The following ARFGEF3 variants were observed in gnomAD, a reference collection of about 807,000 sequenced individuals.
ARFGEF3 encodes brefeldin A-inhibited guanine nucleotide-exchange protein 3.
In ARFGEF3, 96 loss-of-function variants were observed where a neutral mutation model predicts 221.7. That is an observed-to-expected ratio of 0.43 (90% CI 0.37 to 0.51). The LOEUF (loss-of-function observed/expected upper bound fraction) is 0.51, where lower values mean the gene tolerates loss of function less well. Ranked by LOEUF, ARFGEF3 falls within the 20% of genes least tolerant of loss-of-function variation. ARFGEF3 has a pLI of 0.00. For missense variants in ARFGEF3, 2,410 were observed against 2,789.9 expected (o/e 0.86, Z 3.07); for synonymous variants, 1,145 against 1,126.8 (o/e 1.02, Z -0.32).
At chr6:138,189,568 G>A (rs560905876) in intron 2 of ARFGEF3, among the ~76,000 whole-genome samples, 5 of 152,160 alleles carry the variant, frequency 3.3e-5, no homozygotes, top group Non-Finnish European at 5.9e-5. Flanking sequence ...TGAAGCTTGC[G>A]ATTTTCACTT....
intron 2 of ARFGEF3, among the ~76,000 whole-genome samples, chr6:138,172,172 GCAA>G (rs1011683796): frequency 2.0e-5 from 3 of 152,118 alleles, no homozygotes; most frequent in Non-Finnish European, 2.9e-5. Flanking sequence ...AGAATGTCTG[GCAA>G]CAACATGTTT....
chr6:138,255,575 G>A lies in ARFGEF3; in HGVS notation c.910G>A (p.Gly304Arg). The change falls in exon 10 of 34, where the codon GGA becomes AGA. Residue 304 changes from glycine to arginine, a missense_variant. Around this residue, in one of 5 missense-constraint regions of ARFGEF3, gnomAD observed 570 missense variants for 586.9 expected, o/e 0.97. Coordinates refer to ENST00000251691, the MANE Select transcript of ARFGEF3 (RefSeq NM_020340.5). ...ASPGVSDHGR[G>R]SGCSCTAPAL... ...TCCGGGAGTGTCTGACCACGGCCGA[G>A]GATCAGGCTGCTCCTGCACTGCGCC... is the stretch of plus-strand genomic sequence containing the variant. The A allele has an allele frequency of 6.2e-7, 1 of 1,614,008 alleles. No individual in the cohort carries two copies. The highest frequency in any genetic ancestry group is 1.3e-5 in the African/African-American group (1 of 75,040).
intron 28 of ARFGEF3, among the ~76,000 whole-genome samples, chr6:138,320,705 A>G (rs539212303): frequency 3.9e-5 from 6 of 152,216 alleles, no homozygotes; most frequent in Non-Finnish European, 7.3e-5. Context: ...CTGCCAAAAA[A>G]GAACACCAAT....
Position 138,251,979 on chromosome 6 carries a change from A to G in ARFGEF3, c.666-1901A>G, listed in dbSNP as rs551849067. 2.0e-5 allele frequency among the ~76,000 whole-genome samples: 3 copies of G among 152,316 alleles called. No individual in the cohort carries two copies. In the South Asian group the frequency reaches 6.2e-4, roughly 32 times the overall value. On this transcript the variant is annotated intron_variant, in intron 8 of 33. Transcript: ENST00000251691. Reference sequence around the variant, plus strand: ...AAAGCATAGGGAAGCTTGTAGGACTAGAAGCCTAGAAATGTGAAGTCCTTA... The same window carrying G: ...AAAGCATAGGGAAGCTTGTAGGACTGGAAGCCTAGAAATGTGAAGTCCTTA...
At chr6:138,219,938 A>AT (rs1222468908) in intron 4 of ARFGEF3, among the ~76,000 whole-genome samples, 4 of 152,204 alleles carry the variant, frequency 2.6e-5, no homozygotes, top group African/African-American at 9.7e-5. Flanking sequence ...ATTTCTCATC[A>AT]TATCTACTTA....
chr6:138,248,499 A>G (rs1333480816), intron 8 of ARFGEF3, among the ~76,000 whole-genome samples: 3 of 152,246 alleles, frequency 2.0e-5, no homozygotes, highest in Non-Finnish European at 4.4e-5. Context: ...CTAATTAGCT[A>G]AACTTTTTTT....
chr6:138,196,936 C>T (rs1342771175), intron 2 of ARFGEF3, among the ~76,000 whole-genome samples: 4 of 152,042 alleles, frequency 2.6e-5, no homozygotes, highest in Non-Finnish European at 4.4e-5. Context: ...CGGGTTCAAA[C>T]GATTCTCCTG....
chr6:138,235,382 G>C (rs1288644182), intron 5 of ARFGEF3, among the ~76,000 whole-genome samples: 1 of 152,140 alleles, frequency 6.6e-6, no homozygotes, highest in Non-Finnish European at 1.5e-5. Flanking sequence ...CAGGGTATTT[G>C]ACTTGGCCCT....
chr6:138,175,555 C>G (rs929218179), intron 2 of ARFGEF3, among the ~76,000 whole-genome samples: 1 of 152,152 alleles, frequency 6.6e-6, no homozygotes, highest in Non-Finnish European at 1.5e-5. Flanking sequence ...TAAGCAAAAG[C>G]CCACTCAGGA....
chr6:138,316,518 A>C (rs952199449), intron 26 of ARFGEF3, among the ~76,000 whole-genome samples: 52 of 152,180 alleles, frequency 3.4e-4, no homozygotes, highest in African/African-American at 1.1e-3. Context: ...ACTACTATCA[A>C]TTTATGGCTA....
intron 2 of ARFGEF3, among the ~76,000 whole-genome samples, chr6:138,171,144 G>A (rs1374454884): frequency 6.6e-6 from 1 of 151,694 alleles, no homozygotes; most frequent in Non-Finnish European, 1.5e-5. Context: ...CTTACTTTTG[G>A]TGGGGACACG....
At chr6:138,221,787 AC>A (rs1777986526) in intron 4 of ARFGEF3, among the ~76,000 whole-genome samples, 1 of 152,156 alleles carries the variant, frequency 6.6e-6, no homozygotes, top group African/African-American at 2.4e-5. Context: ...CCAGAAAAGA[AC>A]CCGTGACATG....
At chr6:138,212,867 G>A (rs1389486204) in intron 4 of ARFGEF3, among the ~76,000 whole-genome samples, 3 of 152,106 alleles carry the variant, frequency 2.0e-5, no homozygotes, top group African/African-American at 7.2e-5. Flanking sequence ...CACACACCAG[G>A]GCCTGTTGTG....
intron 8 of ARFGEF3, among the ~76,000 whole-genome samples, chr6:138,250,574 A>C (rs967379547): frequency 6.6e-6 from 1 of 152,232 alleles, no homozygotes; most frequent in Non-Finnish European, 1.5e-5. Flanking sequence ...ATCTATTTCT[A>C]AGGAAAGCAA....
chr6:138,209,918 G>A lies in ARFGEF3; in HGVS notation c.228G>A (p.Leu76=), dbSNP rs1057039362. ...CTTGTGCCTCTTTACAGAAGCTTCT[G>A]TCGGAAGAGAGGTTTGTATCCATGG... ...QHALAGMQKL[L]SEERFVSMET... Residue 76 remains leucine (L), a synonymous_variant, in exon 4 of 34, where the codon CTG becomes CTA. Transcript: ENST00000251691. 6.2e-7 allele frequency: 1 copy of A among 1,613,678 alleles called. No individual in the cohort carries two copies. The highest frequency in any genetic ancestry group is 8.5e-7 in the Non-Finnish European group (1 of 1,179,696).
chr6:138,183,919 G>C (rs1249728022), intron 2 of ARFGEF3, among the ~76,000 whole-genome samples: 1 of 152,266 alleles, frequency 6.6e-6, no homozygotes, highest in Non-Finnish European at 1.5e-5. Context: ...ATGTGTCCAC[G>C]CTGGGTCTGT....
At position 138,238,817 on chromosome 6, in the gene ARFGEF3, T is replaced by A. The variant is rs111388870; in HGVS notation, c.543+186T>A. On this transcript the variant is annotated intron_variant, in intron 6 of 33. Transcript: ENST00000251691. ...TGTTTGCCTATTTCACCCTAAAGCT[T>A]TGAGAATTGCTTTTCCTTGCAGTTT... is the stretch of plus-strand genomic sequence containing the variant. Among the ~76,000 whole-genome samples, 54 of 152,324 alleles carry A rather than the reference T, an allele frequency of 3.5e-4. 1 individual carries two copies. Among genetic ancestry groups the A allele is most frequent in the African/African-American group, 1.2e-3 (51 of 41,578 alleles).
chr6:138,219,674 A>G (rs1777941645), intron 4 of ARFGEF3, among the ~76,000 whole-genome samples: 1 of 152,202 alleles, frequency 6.6e-6, no homozygotes, highest in Non-Finnish European at 1.5e-5. Flanking sequence ...AGTTGCCTGC[A>G]GGACTCACAG....
chr6:138,321,303 G>A lies in ARFGEF3; in HGVS notation c.4766+78G>A. 6.1e-6 allele frequency: 5 copies of A among 821,966 alleles called. No individual in the cohort carries two copies. The East Asian group carries it at 1.4e-4, about 22-fold the overall frequency. The allele number at this position is 821,966 out of a possible 1,614,324, so 50.9% of individuals were successfully genotyped here. On this transcript the variant is annotated intron_variant, in intron 29 of 33. Coordinates refer to ENST00000251691, the MANE Select transcript of ARFGEF3 (RefSeq NM_020340.5). ...TCTAAAGAAATTAAATTGTCTTTGT[G>A]GTAGGAATCGACTTTTTGGATTGCT...
Sources: gnomAD v4.1 joint callset for allele counts (sites outside exome capture counted in the v4.1 genomes callset) on GRCh38, gnomAD v4.1.1 for gene constraint, gnomAD v4.1.1 regional missense constraint, MANE v1.5 for transcripts, NCBI Gene and HGNC (gene_info 2026-07-23, HGNC 2026-07-21) for gene names.